The following LDB2 variants were observed in gnomAD, a reference collection of about 807,000 sequenced individuals.
The protein encoded by LDB2 is LIM domain-binding protein 2.
LDB2 carries 12 observed loss-of-function variants against 44.3 expected under a neutral mutation model. The observed-to-expected ratio is 0.27, with a 90% CI of 0.17 to 0.44. The LOEUF (loss-of-function observed/expected upper bound fraction) is 0.44. Among genes scored for constraint, LDB2 ranks in the 20% least tolerant of loss-of-function variants. The pLI is 1.00. For missense variants in LDB2, 344 were observed against 473.5 expected (o/e 0.73, Z 2.54); for synonymous variants, 164 against 174.8 (o/e 0.94, Z 0.49).
At chr4:16,835,029 G>A (rs1352560798) in intron 1 of LDB2, among the ~76,000 whole-genome samples, 1 of 152,136 alleles carries the variant, frequency 6.6e-6, no homozygotes, top group African/African-American at 2.4e-5. Flanking sequence ...GCTGTACATG[G>A]TGCAGACTGC....
chr4:16,701,906 C>T (rs918927412), intron 2 of LDB2, among the ~76,000 whole-genome samples: 1 of 152,176 alleles, frequency 6.6e-6, no homozygotes, highest in Non-Finnish European at 1.5e-5. Flanking sequence ...AGAGTAAACA[C>T]CTACACAAGC....
intron 2 of LDB2, among the ~76,000 whole-genome samples, chr4:16,696,891 T>C (rs1348892171): frequency 1.3e-5 from 2 of 151,890 alleles, no homozygotes; most frequent in Non-Finnish European, 2.9e-5. Context: ...AGGTCTGGAG[T>C]GGTGCCGGAA....
At chr4:16,589,980 G>A (rs551449389) in intron 3 of LDB2, among the ~76,000 whole-genome samples, 3 of 152,228 alleles carry the variant, frequency 2.0e-5, no homozygotes, top group South Asian at 2.1e-4. Flanking sequence ...AGTTATGTAC[G>A]TAGGCTACCT....
chr4:16,883,895 C>T (rs942285519), intron 1 of LDB2, among the ~76,000 whole-genome samples: 1 of 151,894 alleles, frequency 6.6e-6, no homozygotes, highest in Admixed American at 6.6e-5. Flanking sequence ...CTTACGGGAA[C>T]TTTGCATCTT....
chr4:16,543,113 T>A (rs868686970), intron 5 of LDB2, among the ~76,000 whole-genome samples: 1 of 152,106 alleles, frequency 6.6e-6, no homozygotes, highest in South Asian at 2.1e-4. Context: ...TCATCCTTTT[T>A]ATGGCTGCAT....
In LDB2 at chr4:16,558,887, G is replaced by T. The variant is rs1246064750; in HGVS notation, c.615+27035C>A. On this transcript the variant is annotated intron_variant, in intron 5 of 7. Coordinates refer to ENST00000304523, the MANE Select transcript of LDB2 (RefSeq NM_001290.5). ...TCGGCAGAAACTCTACAAGCCAGAA[G>T]AGAGTGGGGGCCAATATTCAACATT... Among the ~76,000 whole-genome samples the T allele has an allele frequency of 2.0e-5, 3 of 152,360 alleles. No individual in the cohort carries two copies. In the East Asian group the frequency reaches 5.8e-4, roughly 29 times the overall value.
intron 2 of LDB2, among the ~76,000 whole-genome samples, chr4:16,624,870 G>C (rs1560674099): frequency 6.6e-6 from 1 of 152,138 alleles, no homozygotes; most frequent in African/African-American, 2.4e-5. Context: ...TTGTTTCTCT[G>C]GGTAGAATTT....
chr4:16,516,322 ATAT>A (rs1168455659), intron 5 of LDB2, among the ~76,000 whole-genome samples: 7 of 152,220 alleles, frequency 4.6e-5, no homozygotes, highest in African/African-American at 1.4e-4. Context: ...TAATCTGTAG[ATAT>A]TATTAATTAT....
chr4:16,897,131 G>C (rs10489105), intron 1 of LDB2, among the ~76,000 whole-genome samples: 11,554 of 152,148 alleles, frequency 0.076, 752 homozygotes, highest in African/African-American at 0.17. Context: ...TTAAATACAC[G>C]AAACGTCATG....
intron 2 of LDB2, among the ~76,000 whole-genome samples, chr4:16,630,586 CAAT>C (rs1478177527): frequency 6.6e-6 from 1 of 152,176 alleles, no homozygotes. Context: ...TCACACATAA[CAAT>C]ATTAACCTTA....
intron 5 of LDB2, among the ~76,000 whole-genome samples, chr4:16,524,227 G>A (rs528914595): frequency 6.6e-6 from 1 of 152,126 alleles, no homozygotes; most frequent in African/African-American, 2.4e-5. Flanking sequence ...AGTGGCACTC[G>A]GGATGCAATG....
intron 1 of LDB2, among the ~76,000 whole-genome samples, chr4:16,827,518 CAATA>C (rs1783282189): frequency 6.6e-6 from 1 of 152,080 alleles, no homozygotes; most frequent in Admixed American, 6.6e-5. Context: ...AGATGCTTGG[CAATA>C]GGCTTTGCAA....
chr4:16,562,064 T>C (rs1478670165), intron 5 of LDB2, among the ~76,000 whole-genome samples: 7 of 152,134 alleles, frequency 4.6e-5, no homozygotes, highest in Admixed American at 1.3e-4. Flanking sequence ...ATACAAAAAT[T>C]AATTCAAGAT....
intron 1 of LDB2, among the ~76,000 whole-genome samples, chr4:16,823,394 A>G (rs1368869581): frequency 6.6e-6 from 1 of 152,226 alleles, no homozygotes; most frequent in Non-Finnish European, 1.5e-5. Context: ...ATTTAACAAC[A>G]TCTTGTCTCT....
At chr4:16,632,362 C>G (rs1223114600) in intron 2 of LDB2, among the ~76,000 whole-genome samples, 1 of 152,112 alleles carries the variant, frequency 6.6e-6, no homozygotes, top group Non-Finnish European at 1.5e-5. Context: ...GCAGAAAAGG[C>G]CTTCAACAAC....
intron 5 of LDB2, among the ~76,000 whole-genome samples, chr4:16,572,994 T>C (rs1009898397): frequency 6.6e-6 from 1 of 152,226 alleles, no homozygotes; most frequent in Admixed American, 6.5e-5. Context: ...TCACCTTCTC[T>C]AAAGCACTGT....
At chr4:16,811,202 C>A (rs987781549) in intron 1 of LDB2, among the ~76,000 whole-genome samples, 3 of 152,184 alleles carry the variant, frequency 2.0e-5, no homozygotes, top group African/African-American at 7.2e-5. Flanking sequence ...GCACACTGTA[C>A]CTTCAGGGTA....
chr4:16,507,297 CT>C (rs1222969946), intron 7 of LDB2: 2 of 152,202 alleles, frequency 1.3e-5, no homozygotes, highest in Non-Finnish European at 2.9e-5. Context: ...AGTATACCCC[CT>C]GTCTGTGGGA....
At chr4:16,589,419 T>A (rs1271795847) in intron 3 of LDB2, among the ~76,000 whole-genome samples, 1 of 152,148 alleles carries the variant, frequency 6.6e-6, no homozygotes, top group Non-Finnish European at 1.5e-5. Context: ...TCTCAGCACA[T>A]CAGCAATGAT....
Sources: gnomAD v4.1 joint callset for allele counts (sites outside exome capture counted in the v4.1 genomes callset) on GRCh38, gnomAD v4.1.1 for gene constraint, MANE v1.5 for transcripts, NCBI Gene and HGNC (gene_info 2026-07-23, HGNC 2026-07-21) for gene names.